Variants in GRIA4 observed in about 807,000 individuals in gnomAD.
The protein encoded by GRIA4 is glutamate ionotropic receptor AMPA type subunit 4.
A neutral mutation model predicts 104.0 loss-of-function variants in GRIA4; 34 were observed. The ratio of observed to expected loss-of-function variants is 0.33; its 90% CI spans 0.25 to 0.44. The LOEUF (loss-of-function observed/expected upper bound fraction) is 0.44. Ranked by LOEUF, GRIA4 falls within the 20% of genes least tolerant of loss-of-function variation. The pLI, the probability that GRIA4 is intolerant of heterozygous loss-of-function variation, is 1.00. For synonymous variants in GRIA4, 386 were observed against 381.9 expected (o/e 1.01, Z -0.13); for missense variants, 750 against 1,096.5 (o/e 0.68, Z 4.46).
chr11:105,890,286 TA>T (rs1260400929), intron 6 of GRIA4, among the ~76,000 whole-genome samples: 1 of 152,198 alleles, frequency 6.6e-6, no homozygotes, highest in Admixed American at 6.5e-5. Flanking sequence ...TTAGATTCTT[TA>T]AAAATGATAA....
At chr11:105,763,525 T>C (rs962440466) in intron 4 of GRIA4, among the ~76,000 whole-genome samples, 4 of 152,156 alleles carry the variant, frequency 2.6e-5, no homozygotes, top group African/African-American at 9.7e-5. Context: ...TTCCTTCATA[T>C]GATAACATCT....
chr11:105,723,762 A>C (rs1477725784), intron 3 of GRIA4, among the ~76,000 whole-genome samples: 2 of 152,132 alleles, frequency 1.3e-5, no homozygotes, highest in Admixed American at 6.5e-5. Flanking sequence ...CAAGATACCC[A>C]GGGAAGTAAT....
At chr11:105,660,215 T>A (rs1951965873) in intron 3 of GRIA4, among the ~76,000 whole-genome samples, 1 of 151,658 alleles carries the variant, frequency 6.6e-6, no homozygotes, top group Non-Finnish European at 1.5e-5. Flanking sequence ...GATGGAAATA[T>A]CCACTAGGTG....
intron 3 of GRIA4, among the ~76,000 whole-genome samples, chr11:105,701,663 T>C (rs995356461): frequency 6.6e-6 from 1 of 152,142 alleles, no homozygotes; most frequent in Non-Finnish European, 1.5e-5. Flanking sequence ...TGCAATTAAA[T>C]AGTGAGGGGA....
intron 3 of GRIA4, among the ~76,000 whole-genome samples, chr11:105,623,315 A>C (rs187376937): frequency 6.6e-6 from 1 of 152,046 alleles, no homozygotes; most frequent in Admixed American, 6.6e-5. Flanking sequence ...AATTGGCACT[A>C]CTTTAATAAT....
intron 4 of GRIA4, among the ~76,000 whole-genome samples, chr11:105,817,726 TAG>T (rs1405272652): frequency 6.6e-6 from 1 of 152,124 alleles, no homozygotes; most frequent in Non-Finnish European, 1.5e-5. Context: ...ACATTATATA[TAG>T]AGAGTATTTC....
chr11:105,808,703 C>T (rs1448316305), intron 4 of GRIA4, among the ~76,000 whole-genome samples: 2 of 152,048 alleles, frequency 1.3e-5, no homozygotes, highest in African/African-American at 2.4e-5. Flanking sequence ...TAAATAAGTA[C>T]ATGGCTAACC....
At chr11:105,816,521 T>C (rs1238131450) in intron 4 of GRIA4, among the ~76,000 whole-genome samples, 3 of 152,182 alleles carry the variant, frequency 2.0e-5, no homozygotes, top group Non-Finnish European at 4.4e-5. Flanking sequence ...ATTGTAAGCT[T>C]CTAGAGGCCT....
At chr11:105,812,872 C>T (rs1187953897) in intron 4 of GRIA4, among the ~76,000 whole-genome samples, 5 of 152,078 alleles carry the variant, frequency 3.3e-5, no homozygotes, top group South Asian at 2.1e-4. Context: ...CAGGCCAAGG[C>T]GGGCGGATCA....
At chr11:105,666,218 A>C (rs762311790) in intron 3 of GRIA4, among the ~76,000 whole-genome samples, 12 of 152,056 alleles carry the variant, frequency 7.9e-5, no homozygotes, top group African/African-American at 1.9e-4. Flanking sequence ...TAAAATTAAG[A>C]TAATTTATAA....
At chr11:105,683,466 TAGAGG>T in intron 3 of GRIA4, among the ~76,000 whole-genome samples, 1 of 152,196 alleles carries the variant, frequency 6.6e-6, no homozygotes, top group Middle Eastern at 3.4e-3. Context: ...TCCTGAAGAC[TAGAGG>T]AATGCTTTTT....
intron 3 of GRIA4, among the ~76,000 whole-genome samples, chr11:105,658,397 C>T (rs114005528): frequency 0.011 from 1,744 of 151,738 alleles, 21 homozygotes; most frequent in South Asian, 0.021. Context: ...GATCTTTAAA[C>T]AGAGTATTTC....
intron 6 of GRIA4, among the ~76,000 whole-genome samples, chr11:105,890,796 T>C (rs1051395422): frequency 6.6e-6 from 1 of 152,222 alleles, no homozygotes; most frequent in Admixed American, 6.5e-5. Flanking sequence ...TTCTTGAAAT[T>C]TCTCTGATTA....
chr11:105,834,708 A>G lies in GRIA4; in HGVS notation c.488-27316A>G, dbSNP rs1591323516. 2.8e-5 allele frequency among the ~76,000 whole-genome samples: 4 copies of G among 143,444 alleles called. 1 individual carries two copies. The highest frequency in any genetic ancestry group is 1.0e-4 in the African/African-American group (4 of 38,710). The allele number at this position is 143,444 out of a possible 152,430, so 94.1% of individuals were successfully genotyped here. A position where few individuals can be genotyped will look rare whatever the true frequency, so the allele number is the denominator to read the frequency against. On this transcript the variant is annotated intron_variant, in intron 4 of 16. Transcript: ENST00000282499. ...GTAAGTATTACTGTCCTGCTACAAA[A>G]AGACTTTTTTTTTTTTTTTTTTGCT...
chr11:105,886,179 T>C (rs1371143369), intron 5 of GRIA4, among the ~76,000 whole-genome samples: 2 of 151,716 alleles, frequency 1.3e-5, no homozygotes, highest in African/African-American at 4.8e-5. Flanking sequence ...TATGTTCTGA[T>C]CTTATTTATT....
chr11:105,653,112 C>T (rs1036606343), intron 3 of GRIA4, among the ~76,000 whole-genome samples: 5 of 152,124 alleles, frequency 3.3e-5, no homozygotes, highest in Non-Finnish European at 5.9e-5. Flanking sequence ...GGGGTTTCAC[C>T]GTGCTAGCCA....
chr11:105,623,845 A>C (rs1208191826), intron 3 of GRIA4, among the ~76,000 whole-genome samples: 5 of 152,090 alleles, frequency 3.3e-5, no homozygotes, highest in African/African-American at 1.2e-4. Context: ...CACTAGAATA[A>C]AAACTTTCAG....
chr11:105,719,290 G>T (rs2135571099), intron 3 of GRIA4, among the ~76,000 whole-genome samples: 1 of 152,232 alleles, frequency 6.6e-6, no homozygotes, highest in Non-Finnish European at 1.5e-5. Context: ...ATTGGCATTA[G>T]GAACTATCGG....
intron 4 of GRIA4, among the ~76,000 whole-genome samples, chr11:105,769,747 C>T (rs1220124426): frequency 6.6e-6 from 1 of 151,918 alleles, no homozygotes; most frequent in African/African-American, 2.4e-5. Flanking sequence ...AAAAACTAAC[C>T]AGGAAAGTCA....
Sources: gnomAD v4.1 joint callset for allele counts (sites outside exome capture counted in the v4.1 genomes callset) on GRCh38, gnomAD v4.1.1 for gene constraint, MANE v1.5 for transcripts, NCBI Gene and HGNC (gene_info 2026-07-23, HGNC 2026-07-21) for gene names.